RYR1: variants seen among roughly 807,000 people sequenced by gnomAD.
The protein encoded by RYR1 is ryanodine receptor 1.
RYR1 carries 342 observed loss-of-function variants against 583.5 expected under a neutral mutation model. The observed-to-expected ratio is 0.59, with a 90% CI of 0.54 to 0.64. The LOEUF (loss-of-function observed/expected upper bound fraction) is 0.64. RYR1 is among the 30% of genes least tolerant of loss of function. The pLI is 0.00. For synonymous variants in RYR1, 2,791 were observed against 2,822.5 expected, an observed-to-expected ratio of 0.99 and a Z score of 0.35; for missense variants, 6,032 against 6,917.2, an observed-to-expected ratio of 0.87 and a Z score of 4.54.
intron 1 of RYR1, among the ~76,000 whole-genome samples, chr19:38,440,130 T>G (rs932638767): frequency 6.6e-6 from 1 of 152,072 alleles, no homozygotes; most frequent in Non-Finnish European, 1.5e-5. Flanking sequence ...GTTTCCCCAT[T>G]TTAAAATGGG....
In RYR1 at chr19:38,485,834, C is replaced by G. The variant is rs764448031; in HGVS notation, c.5179C>G (p.Arg1727Gly). The change falls in exon 34 of 106, where the codon CGC becomes GGC. Residue 1727 changes from arginine (R) to glycine (G), a missense_variant. Around this residue, in one of 11 missense-constraint regions of RYR1, gnomAD observed 2,627 missense variants for 2,961.3 expected, o/e 0.89. Coordinates refer to ENST00000359596, the MANE Select transcript of RYR1 (RefSeq NM_000540.3). ...IHLESACRSR[R>G]SMLSEYIVPL... ...CCTCGAAAGTGCCTGCCGCAGCCGC[C>G]GCTCCATGCTCTCTGAATACATCGT... 6.2e-7 allele frequency: 1 copy of G among 1,613,772 alleles called. No individual in the cohort carries two copies.
At chr19:38,504,580 A>T (rs1451472604) in intron 50 of RYR1, among the ~76,000 whole-genome samples, 168 bp from the exon 51 acceptor site, 1 of 151,978 alleles carries the variant, frequency 6.6e-6, no homozygotes, top group African/African-American at 2.4e-5. Context: ...TATGGGGATG[A>T]TTTGAGCATA....
At chr19:38,492,360 C>CAAAAAAAAAAAAAAAAAGAAA (rs1969588367) in intron 37 of RYR1, 130 bp from the exon 38 acceptor site, 1 of 596,180 alleles carries the variant, frequency 1.7e-6, no homozygotes, top group Non-Finnish European at 2.5e-6. Context: ...GACACTGTCT[C>CAAAAAAAAAAAAAAAAAGAAA]AAAAAAAAAA....
chr19:38,523,525 A>C (rs1160126038), intron 69 of RYR1: 93 of 567,212 alleles, frequency 1.6e-4, no homozygotes, highest in African/African-American at 4.9e-4. Flanking sequence ...CCTCCTCTCC[A>C]TCTCCCTCTT....
chr19:38,484,043 G>T (rs922627505), intron 33 of RYR1, among the ~76,000 whole-genome samples: 1 of 152,042 alleles, frequency 6.6e-6, no homozygotes, highest in East Asian at 1.9e-4. Flanking sequence ...AACTCTGAAC[G>T]TGGCCAGGCA....
chr19:38,463,152 C>CCCG (rs919253005), intron 20 of RYR1, among the ~76,000 whole-genome samples: 1 of 73,194 alleles, frequency 1.4e-5, no homozygotes, highest in East Asian at 3.2e-4. Context: ...CCCCCCCCCC[C>CCCG]CCCACTTAGC....
chr19:38,441,214 G>A (rs923845433), intron 2 of RYR1, among the ~76,000 whole-genome samples: 1 of 125,714 alleles, frequency 8.0e-6, no homozygotes, highest in Non-Finnish European at 1.6e-5. Context: ...GCTGGTTGGG[G>A]AACGGGTCTC....
chr19:38,532,580 C>T (rs916029676), intron 77 of RYR1, 39 bp downstream of exon 77: 2 of 1,613,424 alleles, frequency 1.2e-6, no homozygotes, highest in African/African-American at 1.3e-5. Context: ...AGATTTCCCT[C>T]TCCCCACCTG....
chr19:38,459,776 CTAA>C (rs1307347891), intron 19 of RYR1, among the ~76,000 whole-genome samples: 1 of 152,042 alleles, frequency 6.6e-6, no homozygotes, highest in Admixed American at 6.6e-5. Context: ...CCTTAACCCC[CTAA>C]TGACTTCAGA....
intron 47 of RYR1, 28 bp from the exon 48 acceptor site, chr19:38,502,479 G>T (rs976627093): frequency 1.9e-6 from 3 of 1,591,418 alleles, no homozygotes; most frequent in Middle Eastern, 3.7e-4. Context: ...GTGTGCAGCG[G>T]GCCTGATGTC....
chr19:38,478,284 G>C, intron 30 of RYR1, 151 bp from the exon 31 acceptor site: 1 of 817,114 alleles, frequency 1.2e-6, no homozygotes, highest in South Asian at 1.5e-5. Context: ...CAGTGTCCGG[G>C]GCGAGGGGTT....
At chr19:38,537,096 G>C (rs900051611) in intron 83 of RYR1, 5 of 467,402 alleles carry the variant, frequency 1.1e-5, no homozygotes, top group Admixed American at 3.4e-5. Flanking sequence ...ACCCAGATTC[G>C]CAGTCCCGGT....
chr19:38,552,446 C>T (rs1415290135), intron 89 of RYR1, among the ~76,000 whole-genome samples: 2 of 151,900 alleles, frequency 1.3e-5, no homozygotes, highest in South Asian at 2.1e-4. Flanking sequence ...TAGAGACGGG[C>T]TTCACCATGT....
intron 89 of RYR1, among the ~76,000 whole-genome samples, chr19:38,557,785 CAA>C (rs988303848): frequency 2.6e-5 from 4 of 151,416 alleles, no homozygotes; most frequent in African/African-American, 4.9e-5. Context: ...GCCTGGGTGA[CAA>C]GAGCGAAATT....
intron 64 of RYR1, 118 bp downstream of exon 64, chr19:38,515,225 G>A: frequency 1.2e-6 from 1 of 839,830 alleles, no homozygotes; most frequent in South Asian, 1.5e-5. Flanking sequence ...TCCCGCACAC[G>A]GCGGCAGCCG....
In RYR1 at chr19:38,565,185, G is replaced by GCACGGCGGC. The variant is rs398123469; in HGVS notation, c.12861_12869dup (p.Thr4288_Ala4290dup). 1.6e-3 allele frequency: 1,741 copies of GCACGGCGGC among 1,117,934 alleles called. 25 individuals carry two copies. The African/African-American group carries it at 0.026, about 17-fold the overall frequency. 69.3% of individuals were successfully genotyped at this position (1,117,934 alleles called of 1,614,324 possible). A position where few individuals can be genotyped will look rare whatever the true frequency, so the allele number is the denominator to read the frequency against. The stretch of plus-strand genomic sequence containing the variant: ...GAGGAGGGCGCGGCGGGGCTCGAGG[G>GCACGGCGGC]CACGGCGGCCACGGCGGCGGCGGGG... On this transcript the variant is annotated inframe_insertion, in exon 91 of 106. Coordinates refer to ENST00000359596, the MANE Select transcript of RYR1 (RefSeq NM_000540.3). The surrounding 1 kb of genome is among the most constrained non-coding windows in gnomAD (Gnocchi z 4.7).
At chr19:38,446,393 G>T in intron 7 of RYR1, 79 bp from the exon 8 acceptor site, 3 of 1,065,552 alleles carry the variant, frequency 2.8e-6, no homozygotes, top group Non-Finnish European at 4.4e-6. Flanking sequence ...GGAGGAGCAG[G>T]GCCCCTGACT....
In RYR1 at chr19:38,499,550, C is replaced by T. The variant is rs1970002990; in HGVS notation, c.7028-85C>T. ...TGGAGCTGGATGGGACCTGTGTTAC[C>T]CCTGGAGGTGTTGGGTCCTGGGGCT... On this transcript the variant is annotated intron_variant, in intron 43 of 105. Coordinates refer to ENST00000359596, the MANE Select transcript of RYR1 (RefSeq NM_000540.3). The surrounding 1 kb of genome is among the most constrained non-coding windows in gnomAD (Gnocchi z 7.3). 2 of 1,469,430 alleles carry T rather than the reference C, an allele frequency of 1.4e-6. No individual in the cohort carries two copies. The highest frequency in any genetic ancestry group is 9.3e-7 in the Non-Finnish European group (1 of 1,074,564). 91.0% of individuals were successfully genotyped at this position (1,469,430 alleles called of 1,614,324 possible).
intron 9 of RYR1, among the ~76,000 whole-genome samples, chr19:38,447,607 C>T (rs928011908): frequency 1.2e-4 from 18 of 151,580 alleles, no homozygotes; most frequent in African/African-American, 3.6e-4. Context: ...TTTGGGAAGC[C>T]GAGGCAGGTG....
Sources: allele counts gnomAD v4.1 joint callset (sites outside exome capture counted in the v4.1 genomes callset), GRCh38; gene constraint gnomAD v4.1.1; regional missense constraint gnomAD v4.1.1; non-coding constraint Gnocchi (gnomAD v3.1); transcripts MANE v1.5; gene names NCBI Gene and HGNC (gene_info 2026-07-23, HGNC 2026-07-21).